CNTNAP2: variants seen among roughly 807,000 people sequenced by gnomAD.
CNTNAP2 encodes the protein contactin-associated protein-like 2.
In CNTNAP2, 98 loss-of-function variants were observed where a neutral mutation model predicts 155.2. That is an observed-to-expected ratio of 0.63 (90% CI 0.54 to 0.75). The LOEUF is 0.75. CNTNAP2 is among the 30% of genes least tolerant of loss of function. The pLI is 0.00. For synonymous variants in CNTNAP2, 651 were observed against 631.2 expected, an observed-to-expected ratio of 1.03 and a Z score of -0.47; for missense variants, 1,727 against 1,688.1, an observed-to-expected ratio of 1.02 and a Z score of -0.40.
intron 8 of CNTNAP2, among the ~76,000 whole-genome samples, chr7:147,196,560 A>C (rs919659320): frequency 6.6e-6 from 1 of 152,172 alleles, no homozygotes; most frequent in Admixed American, 6.5e-5. Context: ...TGTAATCTTC[A>C]CTTTAAATCT....
At chr7:148,228,022 C>T (rs1466128746) in intron 19 of CNTNAP2, among the ~76,000 whole-genome samples, 4 of 150,090 alleles carry the variant, frequency 2.7e-5, no homozygotes, top group Admixed American at 1.3e-4. Context: ...TATTTTTTTT[C>T]TGTTTACTTT....
At chr7:146,599,327 G>A (rs765973753) in intron 1 of CNTNAP2, among the ~76,000 whole-genome samples, 4 of 151,852 alleles carry the variant, frequency 2.6e-5, no homozygotes, top group Non-Finnish European at 5.9e-5. Flanking sequence ...TTCTGTCAAA[G>A]CCCTCCAATT....
intron 21 of CNTNAP2, among the ~76,000 whole-genome samples, chr7:148,357,858 G>T (rs1410404316): frequency 6.6e-6 from 1 of 152,152 alleles, no homozygotes; most frequent in East Asian, 1.9e-4. Flanking sequence ...ATGTTTGTAT[G>T]CAGAAAATTC....
chr7:146,550,401 GTTTTTT>G (rs10673467), intron 1 of CNTNAP2, among the ~76,000 whole-genome samples: 14 of 54,388 alleles, frequency 2.6e-4, no homozygotes, highest in African/African-American at 9.2e-4. Context: ...CCATTAATCT[GTTTTTT>G]TTTTTTTTTT....
At chr7:147,985,136 A>AAATAAAT (rs1554458363) in intron 15 of CNTNAP2, among the ~76,000 whole-genome samples, 4 of 149,666 alleles carry the variant, frequency 2.7e-5, no homozygotes, top group African/African-American at 1.0e-4. Flanking sequence ...ATAAATAAAT[A>AAATAAAT]AATAAATAAA....
At position 146,918,725 on chromosome 7, in the gene CNTNAP2, T is replaced by A. The variant is rs149247058; in HGVS notation, c.402+78821T>A. Among the ~76,000 whole-genome samples the A allele has an allele frequency of 1.1e-3, 162 of 152,328 alleles. 2 individuals are homozygous for A. In the East Asian group the frequency reaches 0.021, roughly 20 times the overall value. On this transcript the variant is annotated intron_variant, in intron 3 of 23. Transcript: ENST00000361727. ...AGCTTCTTGTATTTGGATGTCTAGA[T>A]CCCCAGCAAGGTCAGGGAAGTTTTC...
Position 148,033,247 on chromosome 7 carries a change from A to T in CNTNAP2, c.2383+55258A>T, listed in dbSNP as rs558960803. On this transcript the variant is annotated intron_variant, in intron 15 of 23. Transcript: ENST00000361727. The stretch of plus-strand genomic sequence containing the variant: ...TACATTATAATTGGGTAAAATAAGA[A>T]ATTCTTCGTAATTTAGAAGATGTAT... Among the ~76,000 whole-genome samples, 8 of 152,238 alleles carry T rather than the reference A, an allele frequency of 5.3e-5. No individual in the cohort carries two copies. The East Asian group carries it at 9.6e-4, about 18-fold the overall frequency.
At chr7:146,990,514 G>A (rs1056962618) in intron 3 of CNTNAP2, among the ~76,000 whole-genome samples, 1 of 152,066 alleles carries the variant, frequency 6.6e-6, no homozygotes, top group African/African-American at 2.4e-5. Flanking sequence ...TTGGTTTTAA[G>A]ATTGTTTCAT....
chr7:146,624,312 A>G (rs910635466), intron 1 of CNTNAP2, among the ~76,000 whole-genome samples: 1 of 152,036 alleles, frequency 6.6e-6, no homozygotes, highest in Non-Finnish European at 1.5e-5. Context: ...GTGTACCTAA[A>G]AACTTTTCTC....
chr7:147,832,639 T>C (rs2116638015), intron 13 of CNTNAP2, among the ~76,000 whole-genome samples: 1 of 146,170 alleles, frequency 6.8e-6, no homozygotes, highest in African/African-American at 2.5e-5. Flanking sequence ...TATAAAGCAA[T>C]ATATAAAATT....
At chr7:146,235,838 C>T (rs1799464030) in intron 1 of CNTNAP2, among the ~76,000 whole-genome samples, 1 of 151,982 alleles carries the variant, frequency 6.6e-6, no homozygotes, top group Non-Finnish European at 1.5e-5. Context: ...GCCTTTTTGC[C>T]TTCTTATAAA....
At chr7:146,528,935 C>T (rs572929459) in intron 1 of CNTNAP2, among the ~76,000 whole-genome samples, 4 of 151,778 alleles carry the variant, frequency 2.6e-5, no homozygotes, top group Admixed American at 6.6e-5. Flanking sequence ...ATCAAGAAAG[C>T]GGAAGCAAGG....
intron 1 of CNTNAP2, among the ~76,000 whole-genome samples, chr7:146,572,862 A>G (rs1032216314): frequency 7.9e-5 from 12 of 152,218 alleles, no homozygotes; most frequent in Middle Eastern, 3.4e-3. Flanking sequence ...AGTTAGTGTC[A>G]GGGGTAAAAT....
chr7:147,374,955 A>T (rs1279404393), intron 9 of CNTNAP2, among the ~76,000 whole-genome samples: 5 of 151,926 alleles, frequency 3.3e-5, no homozygotes. Flanking sequence ...AGGTTGAGGG[A>T]AGGACCTGGT....
intron 4 of CNTNAP2, among the ~76,000 whole-genome samples, chr7:147,044,920 A>G (rs765918287): frequency 2.4e-4 from 37 of 152,104 alleles, no homozygotes; most frequent in Non-Finnish European, 4.4e-4. Flanking sequence ...TTGAGAGGAT[A>G]TATCTTTGCT....
At chr7:146,271,728 C>A (rs1382198300) in intron 1 of CNTNAP2, among the ~76,000 whole-genome samples, 4 of 151,712 alleles carry the variant, frequency 2.6e-5, no homozygotes, top group Non-Finnish European at 5.9e-5. Flanking sequence ...TTTAGAGAGC[C>A]ACAATTTTCA....
At chr7:146,380,872 A>C (rs1332141299) in intron 1 of CNTNAP2, among the ~76,000 whole-genome samples, 1 of 123,430 alleles carries the variant, frequency 8.1e-6, no homozygotes, top group Non-Finnish European at 1.6e-5. Flanking sequence ...ATCTCGGCTC[A>C]CTGCAGGCTC....
chr7:146,222,482 G>A (rs564099735), intron 1 of CNTNAP2, among the ~76,000 whole-genome samples: 1 of 151,954 alleles, frequency 6.6e-6, no homozygotes, highest in East Asian at 1.9e-4. Context: ...AAGGATTGGG[G>A]CATGAAACTG....
At chr7:147,670,775 C>G (rs1345875673) in intron 13 of CNTNAP2, among the ~76,000 whole-genome samples, 1 of 152,184 alleles carries the variant, frequency 6.6e-6, no homozygotes, top group African/African-American at 2.4e-5. Context: ...GACCTCATTT[C>G]TCCTGAATTC....
Sources: gnomAD v4.1 joint callset for allele counts (sites outside exome capture counted in the v4.1 genomes callset) on GRCh38, gnomAD v4.1.1 for gene constraint, MANE v1.5 for transcripts, NCBI Gene and HGNC (gene_info 2026-07-23, HGNC 2026-07-21) for gene names.